The following CYP3A5 variants were observed in gnomAD, a reference collection of about 807,000 sequenced individuals.
CYP3A5 encodes cytochrome P450 3A5.
CYP3A5 carries 51 observed loss-of-function variants against 55.9 expected under a neutral mutation model. The ratio of observed to expected loss-of-function variants is 0.91; its 90% CI spans 0.73 to 1.15. The LOEUF (loss-of-function observed/expected upper bound fraction) is 1.15. Among genes scored for constraint, CYP3A5 ranks in the 50% most tolerant of loss-of-function variants. CYP3A5 has a pLI of 0.00. For missense variants in CYP3A5, 533 were observed against 596.6 expected (o/e 0.89, Z 1.11); for synonymous variants, 196 against 213.9 (o/e 0.92, Z 0.73).
chr7:99,672,087 G>T (rs976954017), intron 4 of CYP3A5, among the ~76,000 whole-genome samples: 16 of 151,620 alleles, frequency 1.1e-4, no homozygotes, highest in African/African-American at 3.9e-4. Context: ...AGTCTCATTG[G>T]GTTGCCCAGA....
chr7:99,672,806 A>G (rs995043215), intron 3 of CYP3A5, 127 bp from the exon 4 acceptor site: 1 of 1,522,446 alleles, frequency 6.6e-7, no homozygotes, highest in African/African-American at 1.4e-5. Context: ...GACACACAGC[A>G]ACCTTAGGTT....
intron 8 of CYP3A5, chr7:99,663,525 T>TA (rs1810654549): frequency 1.0e-6 from 1 of 992,916 alleles, no homozygotes; most frequent in African/African-American, 1.7e-5. Context: ...TACCACACAC[T>TA]ACATGTCAGC....
chr7:99,652,373 G>A (rs1034936546), intron 11 of CYP3A5, 180 bp downstream of exon 11: 5 of 495,376 alleles, frequency 1.0e-5, no homozygotes, highest in South Asian at 7.3e-5. Context: ...GTGGATGGAT[G>A]TAGTTTCGTT....
At chr7:99,652,912 A>T (rs1809332392) in intron 10 of CYP3A5, 133 bp from the exon 11 acceptor site, 2 of 689,968 alleles carry the variant, frequency 2.9e-6, no homozygotes, top group Non-Finnish European at 4.9e-6. Context: ...GTATTCGTGA[A>T]GTATTTTAAT....
chr7:99,662,861 GC>G lies in CYP3A5; in HGVS notation c.819del (p.Gln273HisfsTer2). 1 of 1,613,954 alleles carries G rather than the reference GC, an allele frequency of 6.2e-7. No individual in the cohort carries two copies. Among genetic ancestry groups the G allele is most frequent in the African/African-American group, 1.3e-5 (1 of 75,038 alleles). ...TTCGAATTCTGGGAGTCAATCATCA[GC>G]TGAAGGAAATCTAGTCGGTGCTAGA... ...DKQKHRLDFL[Q>X]LMIDSQNSKE... On this transcript the variant is annotated frameshift_variant, in exon 9 of 13. Coordinates refer to ENST00000222982, the MANE Select transcript of CYP3A5 (RefSeq NM_000777.5). LOFTEE classifies it high-confidence loss of function. This position sits in a 1 kb window ranked among gnomAD's most constrained non-coding sequence, Gnocchi z 4.3.
chr7:99,663,481 C>G (rs1810650302), intron 8 of CYP3A5: 1 of 990,990 alleles, frequency 1.0e-6, no homozygotes, highest in African/African-American at 1.7e-5. Flanking sequence ...CAGAGAAGAC[C>G]CCTGTTCACT....
intron 9 of CYP3A5, among the ~76,000 whole-genome samples, chr7:99,661,632 A>G (rs548371842): frequency 6.6e-6 from 1 of 152,356 alleles, no homozygotes; most frequent in South Asian, 2.1e-4. Flanking sequence ...AGAAATAAAT[A>G]TGGTGCCTGC....
Position 99,660,475 on chromosome 7 carries a change from C to T in CYP3A5, c.1026+24G>A, listed in dbSNP as rs779354654. 1.9e-6 allele frequency: 3 copies of T among 1,577,178 alleles called. No individual in the cohort carries two copies. The South Asian group carries it at 3.5e-5, about 18-fold the overall frequency. On this transcript the variant is annotated intron_variant, in intron 10 of 12. Coordinates refer to ENST00000222982, the MANE Select transcript of CYP3A5 (RefSeq NM_000777.5). ...TTGCTAAGGCTTCACCTCTTCCCTT[C>T]ATCTCCAGGGGTCATCCCCTCACCT...
At chr7:99,669,718 G>A (rs893118721) in intron 4 of CYP3A5, among the ~76,000 whole-genome samples, 1 of 152,182 alleles carries the variant, frequency 6.6e-6, no homozygotes, top group African/African-American at 2.4e-5. Flanking sequence ...TGAATATAAT[G>A]TCACTGAAGA....
intron 1 of CYP3A5, among the ~76,000 whole-genome samples, chr7:99,678,257 C>G (rs965601894): frequency 6.6e-6 from 1 of 152,212 alleles, no homozygotes; most frequent in Non-Finnish European, 1.5e-5. Flanking sequence ...AGATGCCAAC[C>G]TGTTTGCCCT....
intron 1 of CYP3A5, 184 bp from the exon 2 acceptor site, chr7:99,676,392 C>T (rs1393603363): frequency 6.6e-7 from 1 of 1,516,626 alleles, no homozygotes; most frequent in Non-Finnish European, 8.9e-7. Flanking sequence ...TATTCTGAGA[C>T]CCCTGAAAAG....
At chr7:99,657,531 G>C (rs1249280218) in intron 10 of CYP3A5, among the ~76,000 whole-genome samples, 1 of 152,174 alleles carries the variant, frequency 6.6e-6, no homozygotes, top group Non-Finnish European at 1.5e-5. Context: ...AATAGGTGTG[G>C]TGTGGTGCTG....
At chr7:99,656,196 G>A (rs1369534033) in intron 10 of CYP3A5, among the ~76,000 whole-genome samples, 1 of 152,212 alleles carries the variant, frequency 6.6e-6, no homozygotes, top group Non-Finnish European at 1.5e-5. Flanking sequence ...TGTCCATTCA[G>A]TATGATATTG....
intron 8 of CYP3A5, chr7:99,663,705 GT>G: frequency 9.3e-7 from 1 of 1,071,626 alleles, no homozygotes; most frequent in Non-Finnish European, 1.1e-6. Context: ...GGGAAGAGAA[GT>G]GGTAAAATTT....
chr7:99,668,230 G>A (rs915235355), intron 4 of CYP3A5, among the ~76,000 whole-genome samples: 2 of 152,188 alleles, frequency 1.3e-5, no homozygotes, highest in East Asian at 1.9e-4. Context: ...AACAAAAGAT[G>A]TACAGGACCT....
chr7:99,650,267 A>G (rs1236262281), intron 11 of CYP3A5, 35 bp from the exon 12 acceptor site: 1 of 1,597,172 alleles, frequency 6.3e-7, no homozygotes, highest in Non-Finnish European at 8.6e-7. Flanking sequence ...TAGTTAATGA[A>G]ACATAAAAAC....
chr7:99,672,778 C>G, intron 3 of CYP3A5, 99 bp from the exon 4 acceptor site: 1 of 1,580,916 alleles, frequency 6.3e-7, no homozygotes, highest in Non-Finnish European at 8.6e-7. Context: ...GTTATGTAAT[C>G]CATACCCCTA....
intron 1 of CYP3A5, among the ~76,000 whole-genome samples, chr7:99,678,370 A>ATCATATGG (rs1812497579): frequency 6.6e-6 from 1 of 152,224 alleles, no homozygotes; most frequent in East Asian, 1.9e-4. Flanking sequence ...TCCTACCTGG[A>ATCATATGG]AGCCTTTGCT....
At chr7:99,665,683 T>C (rs901998190) in intron 6 of CYP3A5, among the ~76,000 whole-genome samples, 1 of 152,236 alleles carries the variant, frequency 6.6e-6, no homozygotes, top group Non-Finnish European at 1.5e-5. Flanking sequence ...TAATTAACTC[T>C]TCCTAGTGGA....
Sources: gnomAD v4.1 joint callset for allele counts (sites outside exome capture counted in the v4.1 genomes callset) on GRCh38, gnomAD v4.1.1 for gene constraint, Gnocchi (gnomAD v3.1) non-coding constraint, MANE v1.5 for transcripts, NCBI Gene and HGNC (gene_info 2026-07-23, HGNC 2026-07-21) for gene names.